The following NLGN4Y variants were observed in gnomAD, a reference collection of about 807,000 sequenced individuals.
NLGN4Y encodes the protein neuroligin 4 Y-linked.
In NLGN4Y, 4 loss-of-function variants were observed where a neutral mutation model predicts 8.4. That is an observed-to-expected ratio of 0.48 (90% CI 0.23 to 1.09). The LOEUF is 1.09. Ranked by LOEUF, NLGN4Y falls within the 50% of genes least tolerant of loss-of-function variation. The pLI is 0.19. For synonymous variants in NLGN4Y, 35 were observed against 75.6 expected (o/e 0.46, Z 2.78); for missense variants, 90 against 192.3 (o/e 0.47, Z 3.15).
intron 1 of NLGN4Y, among the ~76,000 whole-genome samples, chrY:14,581,187 A>G: frequency 3.0e-5 from 1 of 33,204 alleles, no homozygotes; most frequent in African/African-American, 1.2e-4. Context: ...TTTCTTTTTT[A>G]TTATCTGATA....
chrY:14,635,218 ACTCTTTGGATATTTTCAT>A (rs2080561543), intron 2 of NLGN4Y, among the ~76,000 whole-genome samples: 4 of 33,067 alleles, frequency 1.2e-4, no homozygotes, highest in Non-Finnish European at 2.2e-4. Flanking sequence ...CCCAATGTAT[ACTCTTTGGATATTTTCAT>A]CTCTTTTCCA....
At chrY:14,526,127 G>A (rs750507163) in intron 1 of NLGN4Y, among the ~76,000 whole-genome samples, 1 of 33,779 alleles carries the variant, frequency 3.0e-5, no homozygotes, top group South Asian at 6.6e-4. Context: ...CCTAGAGGAT[G>A]GCAGAGCTGG....
intron 4 of NLGN4Y, among the ~76,000 whole-genome samples, chrY:14,790,675 A>G: frequency 3.0e-5 from 1 of 33,345 alleles, no homozygotes; most frequent in South Asian, 6.7e-4. Context: ...TCTTCTGGGA[A>G]CCATCTTCCA....
At chrY:14,733,372 A>G in intron 4 of NLGN4Y, 1 of 173,190 alleles carries the variant, frequency 5.8e-6, no homozygotes, top group Non-Finnish European at 1.0e-5. Flanking sequence ...TTTTAAATGT[A>G]GTTATAAAAT....
intron 1 of NLGN4Y, among the ~76,000 whole-genome samples, chrY:14,551,124 A>T: frequency 3.0e-5 from 1 of 33,808 alleles, no homozygotes; most frequent in Non-Finnish European, 7.3e-5. Context: ...AAGAAAAGAA[A>T]GGAGGGCTTT....
At chrY:14,677,162 G>A in intron 2 of NLGN4Y, among the ~76,000 whole-genome samples, 1 of 33,607 alleles carries the variant, frequency 3.0e-5, no homozygotes, top group Non-Finnish European at 7.4e-5. Flanking sequence ...AAATAGAAAT[G>A]TATTTCTAAT....
At chrY:14,560,652 C>T in intron 1 of NLGN4Y, among the ~76,000 whole-genome samples, 1 of 33,222 alleles carries the variant, frequency 3.0e-5, no homozygotes, top group Non-Finnish European at 7.5e-5. Context: ...TAGCAGATCT[C>T]TACTCTCCCT....
intron 2 of NLGN4Y, among the ~76,000 whole-genome samples, chrY:14,702,427 C>A: frequency 2.2e-4 from 7 of 31,768 alleles, no homozygotes; most frequent in South Asian, 1.5e-3. Flanking sequence ...GTTTTTTGTC[C>A]TTGCGATAGT....
Position 14,841,075 on chromosome Y carries a change from C to T in NLGN4Y, c.2324C>T (p.Thr775Ile). ...CAGGCACACGACACGCTGAGGCTCA[C>T]CTGCCCTCCAGACTACACCCTCACG... ...SLQAHDTLRLTCPPDYTLTLR... is the reference protein window; with the variant it reads ...SLQAHDTLRLICPPDYTLTLR... The change falls in exon 7 of 7, where the codon ACC becomes ATC. Residue 775 changes from threonine to isoleucine, a missense_variant. By Grantham distance (89) the Thr-to-Ile change is moderately conservative (BLOSUM62 -1). Coordinates refer to ENST00000684976, the MANE Select transcript of NLGN4Y (RefSeq NM_001365588.1). 1 of 398,907 alleles carries T rather than the reference C, an allele frequency of 2.5e-6. No homozygotes were observed. The highest frequency in any genetic ancestry group is 3.0e-5 in the South Asian group (1 of 33,759).
chrY:14,757,088 G>C (rs2081063296), intron 4 of NLGN4Y, among the ~76,000 whole-genome samples: 1 of 28,639 alleles, frequency 3.5e-5, no homozygotes, highest in Non-Finnish European at 8.1e-5. Context: ...TTCAAATATT[G>C]CTACTGTTTC....
chrY:14,845,372 C>T lies in NLGN4Y; in HGVS notation c.*4110C>T, dbSNP rs2043240956. ...CATATATACACACAAATCTATAACA[C>T]ATTTGTGCTCACATATACATTCCTC... On this transcript the variant is annotated 3_prime_UTR_variant, in exon 7 of 7. Coordinates refer to ENST00000684976, the MANE Select transcript of NLGN4Y (RefSeq NM_001365588.1). 3.0e-5 allele frequency: 1 copy of T among 33,190 alleles called. No homozygotes were observed. The highest frequency in any genetic ancestry group is 7.5e-5 in the Non-Finnish European group (1 of 13,389). The allele number at this position is 33,190 out of a possible 400,897, so 8.3% of individuals were successfully genotyped here.
intron 1 of NLGN4Y, among the ~76,000 whole-genome samples, chrY:14,547,962 C>T (rs766650584): frequency 6.1e-5 from 2 of 32,542 alleles, no homozygotes; most frequent in Admixed American, 5.7e-4. Context: ...TAAAACTGTC[C>T]AATTAAGAAA....
chrY:14,843,482 T>A lies in NLGN4Y; in HGVS notation c.*2220T>A. ...CATCCATGCTGGTTTTGTCTGTCTATAATATGAATTCAAGTATCTGTTCAT... is the reference window on the plus strand; with the variant it reads ...CATCCATGCTGGTTTTGTCTGTCTAAAATATGAATTCAAGTATCTGTTCAT... On this transcript the variant is annotated 3_prime_UTR_variant, in exon 7 of 7. Transcript: ENST00000684976. 8.2e-6 allele frequency: 1 copy of A among 121,724 alleles called. No homozygotes were observed. Among genetic ancestry groups the A allele is most frequent in the Non-Finnish European group, 1.8e-5 (1 of 56,214 alleles). The allele number at this position is 121,724 out of a possible 400,897, so 30.4% of individuals were successfully genotyped here.
chrY:14,643,906 C>A, intron 2 of NLGN4Y, among the ~76,000 whole-genome samples: 1 of 33,335 alleles, frequency 3.0e-5, no homozygotes, highest in Non-Finnish European at 7.4e-5. Context: ...CAAAGGAGGT[C>A]CTACTCAGCC....
upstream of NLGN4Y, chrY:14,524,244 T>A: frequency 1.5e-5 from 1 of 68,839 alleles, no homozygotes; most frequent in Non-Finnish European, 3.2e-5. Flanking sequence ...CCATCGGGGG[T>A]TCGGAGGAGT....
At chrY:14,598,120 G>T in intron 1 of NLGN4Y, among the ~76,000 whole-genome samples, 1 of 35,116 alleles carries the variant, frequency 2.8e-5, no homozygotes, top group Non-Finnish European at 7.2e-5. Context: ...AGACTCAGGA[G>T]CCCAGCTGGC....
intron 2 of NLGN4Y, among the ~76,000 whole-genome samples, chrY:14,702,415 T>C: frequency 9.4e-5 from 3 of 32,027 alleles, no homozygotes; most frequent in Non-Finnish European, 1.5e-4. Flanking sequence ...ATGTGGTGTT[T>C]GGTTTTTTGT....
chrY:14,635,221 CTT>C (rs2080561642), intron 2 of NLGN4Y, among the ~76,000 whole-genome samples: 1 of 33,523 alleles, frequency 3.0e-5, no homozygotes, highest in Non-Finnish European at 7.3e-5. Context: ...AATGTATACT[CTT>C]TGGATATTTT....
intron 4 of NLGN4Y, among the ~76,000 whole-genome samples, chrY:14,754,887 A>G: frequency 3.1e-5 from 1 of 32,567 alleles, no homozygotes; most frequent in Non-Finnish European, 7.5e-5. Context: ...TACTTCATTT[A>G]TTTCTCACCA....
Sources: allele counts gnomAD v4.1 joint callset (sites outside exome capture counted in the v4.1 genomes callset), GRCh38; gene constraint gnomAD v4.1.1; transcripts MANE v1.5; gene names NCBI Gene and HGNC (gene_info 2026-07-23, HGNC 2026-07-21).